The following NRXN1 variants were observed in gnomAD, a reference collection of about 807,000 sequenced individuals.
NRXN1 encodes neurexin 1.
A neutral mutation model predicts 150.9 loss-of-function variants in NRXN1; 39 were observed. That is an observed-to-expected ratio of 0.26 (90% CI 0.20 to 0.34). NRXN1 has a LOEUF of 0.34. Among genes scored for constraint, NRXN1 ranks in the 10% least tolerant of loss-of-function variants. The pLI, the probability that NRXN1 is intolerant of heterozygous loss-of-function variation, is 1.00. For missense variants in NRXN1, 1,815 were observed against 1,949.9 expected (o/e 0.93, Z 1.30); for synonymous variants, 924 against 757.0 (o/e 1.22, Z -3.62).
chr2:50,556,766 G>A (rs77832473), intron 8 of NRXN1, among the ~76,000 whole-genome samples: 1 of 152,042 alleles, frequency 6.6e-6, no homozygotes, highest in Non-Finnish European at 1.5e-5. Context: ...ATAACTTAAA[G>A]AATAGGAGCT....
At chr2:50,014,697 G>C (rs1359782101) in intron 21 of NRXN1, among the ~76,000 whole-genome samples, 3 of 151,998 alleles carry the variant, frequency 2.0e-5, no homozygotes, top group Non-Finnish European at 4.4e-5. Flanking sequence ...TAAATAACTT[G>C]CCCAATGTCA....
At chr2:50,446,506 C>T (rs1442457567) in intron 17 of NRXN1, among the ~76,000 whole-genome samples, 1 of 140,742 alleles carries the variant, frequency 7.1e-6, no homozygotes, top group African/African-American at 2.7e-5. Context: ...CCCTCCTTCC[C>T]CGTCTTCCTC....
chr2:50,528,562 T>C, intron 12 of NRXN1, 63 bp downstream of exon 12: 1 of 951,534 alleles, frequency 1.1e-6, no homozygotes, highest in Non-Finnish European at 1.6e-6. Flanking sequence ...CTCTCTCTTT[T>C]TCTTGACTAG....
intron 17 of NRXN1, among the ~76,000 whole-genome samples, chr2:50,253,691 T>C (rs890351099): frequency 2.6e-5 from 4 of 152,188 alleles, no homozygotes; most frequent in African/African-American, 9.7e-5. Flanking sequence ...TGTCTTTAGT[T>C]CTTTTTATGT....
chr2:50,205,936 A>G (rs1395342637), intron 18 of NRXN1, among the ~76,000 whole-genome samples: 2 of 152,028 alleles, frequency 1.3e-5, no homozygotes, highest in South Asian at 2.1e-4. Flanking sequence ...GTAGTTGTCT[A>G]GGGCTTGGGA....
intron 5 of NRXN1, among the ~76,000 whole-genome samples, chr2:50,629,772 T>C (rs2104384579): frequency 6.6e-6 from 1 of 151,800 alleles, no homozygotes; most frequent in Middle Eastern, 3.4e-3. Flanking sequence ...AGTAATAATT[T>C]CAATTGTCAC....
chr2:50,395,962 C>T (rs977784782), intron 17 of NRXN1, among the ~76,000 whole-genome samples: 1 of 152,156 alleles, frequency 6.6e-6, no homozygotes, highest in African/African-American at 2.4e-5. Context: ...TCGTTAGGGA[C>T]TAAGGTTGTT....
intron 13 of NRXN1, among the ~76,000 whole-genome samples, chr2:50,499,673 T>G (rs929679164): frequency 1.3e-5 from 2 of 152,128 alleles, no homozygotes; most frequent in Admixed American, 6.6e-5. Context: ...ATCGTCTAGA[T>G]GCGGTGGCTC....
At chr2:50,465,026 T>A (rs1196597510) in intron 17 of NRXN1, among the ~76,000 whole-genome samples, 2 of 151,762 alleles carry the variant, frequency 1.3e-5, no homozygotes, top group Non-Finnish European at 2.9e-5. Context: ...CTTAAAGAGA[T>A]GTACGCAGAG....
At chr2:50,329,615 GTGTATATATATATATA>G (rs2076649918) in intron 17 of NRXN1, among the ~76,000 whole-genome samples, 1 of 15,800 alleles carries the variant, frequency 6.3e-5, no homozygotes, top group African/African-American at 2.5e-4. Flanking sequence ...GTGTGTGTGT[GTGTATATATATATATA>G]TATATATATA....
chr2:50,837,407 G>T (rs1410156794), intron 5 of NRXN1, among the ~76,000 whole-genome samples: 3 of 152,060 alleles, frequency 2.0e-5, no homozygotes, highest in Non-Finnish European at 2.9e-5. Context: ...GATGAGAATG[G>T]GTTAGAATCC....
intron 2 of NRXN1, among the ~76,000 whole-genome samples, chr2:50,981,111 C>T (rs1696716174): frequency 6.6e-6 from 1 of 151,940 alleles, no homozygotes; most frequent in Non-Finnish European, 1.5e-5. Context: ...CAGGAACTAT[C>T]AGAAAGATAA....
intron 21 of NRXN1, among the ~76,000 whole-genome samples, chr2:49,996,689 G>A (rs1314378112): frequency 6.6e-6 from 1 of 152,154 alleles, no homozygotes; most frequent in Non-Finnish European, 1.5e-5. Context: ...ACTGAGGAAT[G>A]CAGGTGGCTT....
chr2:50,812,315 A>G (rs1369557781), intron 5 of NRXN1, among the ~76,000 whole-genome samples: 1 of 152,182 alleles, frequency 6.6e-6, no homozygotes, highest in Non-Finnish European at 1.5e-5. Flanking sequence ...CATGGAAATA[A>G]TATCTTTGCG....
intron 5 of NRXN1, among the ~76,000 whole-genome samples, chr2:50,664,915 C>T (rs1003590004): frequency 6.6e-6 from 1 of 151,756 alleles, no homozygotes; most frequent in African/African-American, 2.4e-5. Context: ...ATTTATCCTT[C>T]AAATTAAAAA....
chr2:50,472,160 T>G, intron 16 of NRXN1, 138 bp downstream of exon 16: 1 of 616,778 alleles, frequency 1.6e-6, no homozygotes, highest in African/African-American at 1.9e-5. Flanking sequence ...GATAAAAAAT[T>G]AAAAACTTGA....
intron 17 of NRXN1, among the ~76,000 whole-genome samples, chr2:50,251,340 G>C (rs2067054279): frequency 6.7e-6 from 1 of 148,384 alleles, no homozygotes; most frequent in Admixed American, 6.8e-5. Flanking sequence ...CTCCATCCAT[G>C]TCTCTGCAGA....
At chr2:50,306,490 A>C (rs1036856199) in intron 17 of NRXN1, among the ~76,000 whole-genome samples, 8 of 152,208 alleles carry the variant, frequency 5.3e-5, no homozygotes, top group African/African-American at 1.9e-4. Flanking sequence ...GCTATTTTAT[A>C]GATAAAAGAT....
chr2:50,700,879 G>T (rs963725140), intron 5 of NRXN1, among the ~76,000 whole-genome samples: 1 of 151,756 alleles, frequency 6.6e-6, no homozygotes, highest in African/African-American at 2.4e-5. Context: ...TGTTAGCCAG[G>T]ATGGTCTCAG....
Sources: allele counts gnomAD v4.1 joint callset (sites outside exome capture counted in the v4.1 genomes callset), GRCh38; gene constraint gnomAD v4.1.1; transcripts MANE v1.5; gene names NCBI Gene and HGNC (gene_info 2026-07-23, HGNC 2026-07-21).